Variants in HMGXB4 observed in about 807,000 individuals in gnomAD.
HMGXB4 encodes the protein HMG-box containing 4, also known as HMG domain-containing protein 4.
Under a neutral mutation model 63.9 loss-of-function variants are expected in HMGXB4, and 27 were observed. The ratio of observed to expected loss-of-function variants is 0.42; its 90% CI spans 0.31 to 0.58. The LOEUF is 0.58. Ranked by LOEUF, HMGXB4 falls within the 20% of genes least tolerant of loss-of-function variation. HMGXB4 has a pLI of 0.13. For synonymous variants in HMGXB4, 264 were observed against 265.3 expected (o/e 0.99, Z 0.05); for missense variants, 624 against 700.7 (o/e 0.89, Z 1.24).
chr22:35,292,798 G>C (rs2145577070), intron 9 of HMGXB4, among the ~76,000 whole-genome samples, 194 bp from the exon 10 acceptor site: 1 of 152,358 alleles, frequency 6.6e-6, no homozygotes, highest in East Asian at 1.9e-4. Flanking sequence ...TACGGAAAGG[G>C]AACATGGGAA....
intron 1 of HMGXB4, among the ~76,000 whole-genome samples, chr22:35,257,830 G>T (rs1026379340): frequency 1.3e-5 from 2 of 152,006 alleles, no homozygotes; most frequent in African/African-American, 4.8e-5. Context: ...GAGGGGGCGT[G>T]CGGCCGCCCC....
At chr22:35,250,357 G>A in the HMGXB4 span, among the ~76,000 whole-genome samples, 3 of 152,186 alleles carry the variant, frequency 2.0e-5, no homozygotes, top group Admixed American at 6.5e-5. Context: ...GGGAGTCAGC[G>A]TGTCACATGC....
chr22:35,263,901 G>A (rs780136638), intron 4 of HMGXB4, 27 bp downstream of exon 4: 1 of 1,604,978 alleles, frequency 6.2e-7, no homozygotes, highest in Non-Finnish European at 8.5e-7. Context: ...GCAACAGGTG[G>A]GATAAACACA....
intron 1 of HMGXB4, chr22:35,258,396 A>G (rs1922601321): frequency 6.6e-6 from 1 of 152,212 alleles, no homozygotes; most frequent in Non-Finnish European, 1.5e-5. Context: ...ACAAAGTAAA[A>G]AACTGAATCC....
chr22:35,268,297 T>C (rs1356004714), intron 5 of HMGXB4, among the ~76,000 whole-genome samples: 1 of 152,190 alleles, frequency 6.6e-6, no homozygotes, highest in African/African-American at 2.4e-5. Context: ...CGTTCACTTT[T>C]ACATTTCCCC....
intron 5 of HMGXB4, among the ~76,000 whole-genome samples, chr22:35,280,379 A>C (rs947496957): frequency 6.6e-6 from 1 of 152,224 alleles, no homozygotes; most frequent in South Asian, 2.1e-4. Context: ...GTAACGAGTA[A>C]ATAGCGTGGT....
chr22:35,267,640 T>C (rs1261771231), intron 5 of HMGXB4, among the ~76,000 whole-genome samples: 1 of 150,584 alleles, frequency 6.6e-6, no homozygotes, highest in Non-Finnish European at 1.5e-5. Context: ...ACACCTTCTG[T>C]ATTCCCAGTA....
chr22:35,276,078 T>C (rs1923897643), intron 5 of HMGXB4, among the ~76,000 whole-genome samples: 1 of 152,222 alleles, frequency 6.6e-6, no homozygotes, highest in African/African-American at 2.4e-5. Context: ...ATTTTTAATT[T>C]AGAAAAATGT....
the HMGXB4 span, among the ~76,000 whole-genome samples, chr22:35,245,862 C>G: frequency 6.6e-6 from 1 of 152,120 alleles, no homozygotes; most frequent in Non-Finnish European, 1.5e-5. Flanking sequence ...GTGGGAGAGG[C>G]AGGAGTGCCT....
chr22:35,243,990 T>G, the HMGXB4 span, among the ~76,000 whole-genome samples: 4 of 152,362 alleles, frequency 2.6e-5, no homozygotes, highest in African/African-American at 9.6e-5. Context: ...AGGTTTTTTT[T>G]GTATTTAGTT....
intron 5 of HMGXB4, among the ~76,000 whole-genome samples, chr22:35,273,659 A>G (rs1182580113): frequency 6.6e-6 from 1 of 152,260 alleles, no homozygotes; most frequent in African/African-American, 2.4e-5. Flanking sequence ...TGTTTTATGC[A>G]TATAATACCC....
At chr22:35,253,597 T>TTG (rs561782192), upstream of HMGXB4, among the ~76,000 whole-genome samples, 35 of 125,968 alleles carry the variant, frequency 2.8e-4, no homozygotes, top group African/African-American at 6.6e-4. Flanking sequence ...CTCTTGGATT[T>TTG]TGTGCGCGCG....
At chr22:35,250,463 C>T in the HMGXB4 span, among the ~76,000 whole-genome samples, 1 of 152,108 alleles carries the variant, frequency 6.6e-6, no homozygotes, top group Non-Finnish European at 1.5e-5. Context: ...ATTCATTATG[C>T]ATATCTAGAG....
intron 4 of HMGXB4, chr22:35,264,170 C>A: frequency 1.1e-6 from 1 of 913,182 alleles, no homozygotes; most frequent in East Asian, 3.2e-5. Flanking sequence ...TTTTGCCATA[C>A]GTAGTCCTCT....
chr22:35,291,338 A>G (rs750353659), intron 9 of HMGXB4, among the ~76,000 whole-genome samples: 7 of 152,168 alleles, frequency 4.6e-5, no homozygotes, highest in Non-Finnish European at 1.0e-4. Context: ...AGTTAAAGCT[A>G]GAACCCAAAT....
intron 5 of HMGXB4, among the ~76,000 whole-genome samples, chr22:35,267,353 T>G (rs990695369): frequency 6.2e-4 from 94 of 152,308 alleles, no homozygotes; most frequent in Admixed American, 3.3e-3. Flanking sequence ...TTTATAAGAT[T>G]CTGTTTATCC....
upstream of HMGXB4, among the ~76,000 whole-genome samples, chr22:35,256,573 C>T: frequency 6.6e-6 from 1 of 152,204 alleles, no homozygotes; most frequent in Non-Finnish European, 1.5e-5. Flanking sequence ...AATCTCGGCT[C>T]ACTGCAATCT....
chr22:35,261,278 A>G (rs1922832067), intron 1 of HMGXB4, among the ~76,000 whole-genome samples: 1 of 152,090 alleles, frequency 6.6e-6, no homozygotes, highest in South Asian at 2.1e-4. Flanking sequence ...TCTACTAAAA[A>G]TACAAAAATT....
At chr22:35,265,635 G>A in intron 5 of HMGXB4, 32 bp downstream of exon 5, 1 of 1,495,750 alleles carries the variant, frequency 6.7e-7, no homozygotes, top group Non-Finnish European at 8.9e-7. Context: ...GTGGGGGTAA[G>A]AGATTAAGCA....
Sources: gnomAD v4.1 joint callset for allele counts (sites outside exome capture counted in the v4.1 genomes callset) on GRCh38, gnomAD v4.1.1 for gene constraint, MANE v1.5 for transcripts, NCBI Gene and HGNC (gene_info 2026-07-23, HGNC 2026-07-21) for gene names.